The following KLHDC10 variants were observed in gnomAD, a reference collection of about 807,000 sequenced individuals.
KLHDC10 encodes kelch domain-containing protein 10.
A neutral mutation model predicts 56.1 loss-of-function variants in KLHDC10; 24 were observed. That is an observed-to-expected ratio of 0.43 (90% CI 0.31 to 0.60). KLHDC10 has a LOEUF of 0.60. KLHDC10 is among the 20% of genes least tolerant of loss of function. KLHDC10 has a pLI of 0.11. For missense variants in KLHDC10, 349 were observed against 567.0 expected (o/e 0.62, Z 3.91); for synonymous variants, 188 against 207.1 (o/e 0.91, Z 0.79).
In KLHDC10 at chr7:130,130,145, A is replaced by G. The variant is rs144170753; in HGVS notation, c.1120-392A>G. ...TCCTGGCTAACACGGATGAAACCCC[A>G]TCTCTACTAAAAATACAAAAAAAAA... On this transcript the variant is annotated intron_variant, in intron 9 of 9. Coordinates refer to ENST00000335420, the MANE Select transcript of KLHDC10 (RefSeq NM_014997.4). The surrounding 1 kb of genome is among the most constrained non-coding windows in gnomAD (Gnocchi z 4.2). Among the ~76,000 whole-genome samples, 24,906 of 151,584 alleles carry G rather than the reference A, an allele frequency of 0.16. 2,262 individuals are homozygous for G. The highest frequency in any genetic ancestry group is 0.21 in the Non-Finnish European group (13,919 of 67,866).
intron 2 of KLHDC10, among the ~76,000 whole-genome samples, chr7:130,107,544 A>C (rs1341708653): frequency 6.6e-6 from 1 of 152,066 alleles, no homozygotes; most frequent in East Asian, 1.9e-4. Flanking sequence ...ACTTGATGAA[A>C]TACAAAACTA....
intron 1 of KLHDC10, among the ~76,000 whole-genome samples, chr7:130,073,456 G>A (rs1175996257): frequency 3.3e-5 from 5 of 151,806 alleles, no homozygotes; most frequent in East Asian, 3.9e-4. Flanking sequence ...CACCACGTCC[G>A]GCTAATTTTT....
chr7:130,109,797 C>T (rs1796076128), intron 2 of KLHDC10, among the ~76,000 whole-genome samples: 1 of 152,100 alleles, frequency 6.6e-6, no homozygotes, highest in Non-Finnish European at 1.5e-5. Context: ...CACCACCACG[C>T]GTGGCTAATT....
At chr7:130,109,714 T>C (rs1796074856) in intron 2 of KLHDC10, among the ~76,000 whole-genome samples, 1 of 152,146 alleles carries the variant, frequency 6.6e-6, no homozygotes, top group Non-Finnish European at 1.5e-5. Flanking sequence ...TCTCAGCTCA[T>C]TGCAACTTCC....
intron 6 of KLHDC10, among the ~76,000 whole-genome samples, chr7:130,125,264 G>A (rs1057033661): frequency 4.3e-4 from 65 of 152,154 alleles, no homozygotes; most frequent in African/African-American, 1.4e-3. Flanking sequence ...AAAGTGGGCT[G>A]GGTGCGGTAG....
rs1371490077 is a variant in KLHDC10, at chr7:130,135,566, C to T, written c.*4820C>T. On this transcript the variant is annotated 3_prime_UTR_variant, in exon 10 of 10. Coordinates refer to ENST00000335420, the MANE Select transcript of KLHDC10 (RefSeq NM_014997.4). The stretch of plus-strand genomic sequence containing the variant: ...TGCCATATGATCAGGACAGCTTTTC[C>T]ACTTTACTCGGTTTCCTACAAGCAA... 6.5e-6 allele frequency: 1 copy of T among 154,370 alleles called. No individual in the cohort carries two copies. Among genetic ancestry groups the T allele is most frequent in the African/African-American group, 2.4e-5 (1 of 41,514 alleles). The allele number at this position is 154,370 out of a possible 1,614,324, so 9.6% of individuals were successfully genotyped here.
Position 130,116,496 on chromosome 7 carries a change from C to T in KLHDC10, c.305C>T (p.Thr102Ile), listed in dbSNP as rs774564063. The T allele has an allele frequency of 6.2e-7, 1 of 1,614,148 alleles. No individual in the cohort carries two copies. The highest frequency in any genetic ancestry group is 8.5e-7 in the Non-Finnish European group (1 of 1,180,014). Residue 102 changes from threonine (T) to isoleucine (I), a missense_variant, in exon 3 of 10, where the codon ACC (threonine) becomes ATC (isoleucine). This residue lies in a region of KLHDC10 where 245 missense variants were observed against 470.1 expected (regional missense o/e 0.52). Coordinates refer to ENST00000335420, the MANE Select transcript of KLHDC10 (RefSeq NM_014997.4). This position sits in a 1 kb window ranked among gnomAD's most constrained non-coding sequence, Gnocchi z 4.8. ...GGACATCGTTGTGTGGCAGATAATA[C>T]CAACCTATATGTGTTTGGAGGTTAT... ...RSGHRCVADNTNLYVFGGYNP... is the reference protein window; with the variant it reads ...RSGHRCVADNINLYVFGGYNP...
rs1796327813 is a variant in KLHDC10, at chr7:130,127,347, G to A, written c.932-57G>A. ...GTGTGTCTTTCACTGTGTTATATCA[G>A]TGTGGTTCCCAGTCTTTCTGTAAGT... On this transcript the variant is annotated intron_variant, in intron 7 of 9. Transcript: ENST00000335420. 5 of 1,387,580 alleles carry A rather than the reference G, an allele frequency of 3.6e-6. No homozygotes were observed. In the Middle Eastern group the frequency reaches 8.9e-4, roughly 248 times the overall value. 86.0% of individuals were successfully genotyped at this position (1,387,580 alleles called of 1,614,324 possible).
Position 130,130,455 on chromosome 7 carries a change from C to G in KLHDC10, c.1120-82C>G, listed in dbSNP as rs573922334. On this transcript the variant is annotated intron_variant, in intron 9 of 9. Coordinates refer to ENST00000335420, the MANE Select transcript of KLHDC10 (RefSeq NM_014997.4). This position sits in a 1 kb window ranked among gnomAD's most constrained non-coding sequence, Gnocchi z 4.2. The stretch of plus-strand genomic sequence containing the variant: ...TTGTTTCATTTCATTTTGATTCCAT[C>G]TACTATGCTTTTTCCCCACTGAGTC... 1.3e-5 allele frequency: 14 copies of G among 1,055,706 alleles called. No individual in the cohort carries two copies. Among genetic ancestry groups the G allele is most frequent in the Middle Eastern group, 2.4e-4 (1 of 4,134 alleles). The allele number at this position is 1,055,706 out of a possible 1,614,324, so 65.4% of individuals were successfully genotyped here.
intron 8 of KLHDC10, among the ~76,000 whole-genome samples, 193 bp from the exon 9 acceptor site, chr7:130,129,244 C>T (rs764855844): frequency 2.6e-5 from 4 of 152,136 alleles, no homozygotes; most frequent in African/African-American, 4.8e-5. Context: ...CCAGGGAAGA[C>T]CCTGACATAG....
chr7:130,085,334 GAA>G (rs538218868), intron 1 of KLHDC10, among the ~76,000 whole-genome samples: 4 of 75,604 alleles, frequency 5.3e-5, no homozygotes, highest in East Asian at 3.8e-4. Flanking sequence ...CTCCATCTCA[GAA>G]AAAAAAAAAA....
intron 5 of KLHDC10, 86 bp downstream of exon 5, chr7:130,122,288 T>C (rs1318655836): frequency 1.6e-6 from 2 of 1,289,144 alleles, no homozygotes; most frequent in African/African-American, 3.0e-5. Context: ...AGAAAACCCT[T>C]TGGCCCCAGT....
rs529229659 is a variant in KLHDC10 at position 130,114,926 on chromosome 7, C to T, written c.254-1519C>T. On this transcript the variant is annotated intron_variant, in intron 2 of 9. Coordinates refer to ENST00000335420, the MANE Select transcript of KLHDC10 (RefSeq NM_014997.4). ...TAGGACAAGGTTAGTAGGAGAAAAG[C>T]TCTAACATGTTGGGCAGGGGACTTG... Among the ~76,000 whole-genome samples the T allele has an allele frequency of 3.3e-5, 5 of 152,052 alleles. No individual in the cohort carries two copies. In the East Asian group the frequency reaches 9.7e-4, roughly 29 times the overall value.
chr7:130,107,199 G>A (rs1322462892), intron 2 of KLHDC10, among the ~76,000 whole-genome samples: 2 of 152,074 alleles, frequency 1.3e-5, no homozygotes, highest in Non-Finnish European at 2.9e-5. Context: ...AGACAAAGAT[G>A]TCCACTGTCA....
At chr7:130,121,017 G>T in intron 4 of KLHDC10, 114 bp downstream of exon 4, 13 of 1,041,192 alleles carry the variant, frequency 1.2e-5, no homozygotes, top group South Asian at 7.2e-5. Context: ...AGTTCTTTGT[G>T]GTTAGTACTT....
At chr7:130,097,869 C>G (rs1795870549) in intron 2 of KLHDC10, among the ~76,000 whole-genome samples, 1 of 151,998 alleles carries the variant, frequency 6.6e-6, no homozygotes, top group Non-Finnish European at 1.5e-5. Context: ...ATACATACTC[C>G]ATACTGAAAA....
chr7:130,096,847 A>G (rs150536194), intron 1 of KLHDC10, 74 bp from the exon 2 acceptor site: 4 of 1,038,232 alleles, frequency 3.9e-6, no homozygotes, highest in East Asian at 4.9e-5. Flanking sequence ...TTCTGTCTTT[A>G]TAACTACAGT....
intron 2 of KLHDC10, among the ~76,000 whole-genome samples, chr7:130,107,843 CAA>C (rs3043725): frequency 4.6e-4 from 12 of 26,032 alleles, no homozygotes; most frequent in African/African-American, 2.6e-3. Flanking sequence ...GACTCCGTCT[CAA>C]AAAAAAAAAA....
At chr7:130,087,751 A>T (rs978260300) in intron 1 of KLHDC10, among the ~76,000 whole-genome samples, 3 of 151,842 alleles carry the variant, frequency 2.0e-5, no homozygotes, top group Non-Finnish European at 2.9e-5. Flanking sequence ...TAAAACAGAA[A>T]TATGGAATTT....
Sources: gnomAD v4.1 joint callset for allele counts (sites outside exome capture counted in the v4.1 genomes callset) on GRCh38, gnomAD v4.1.1 for gene constraint, gnomAD v4.1.1 regional missense constraint, Gnocchi (gnomAD v3.1) non-coding constraint, MANE v1.5 for transcripts, NCBI Gene and HGNC (gene_info 2026-07-23, HGNC 2026-07-21) for gene names.